The following RPH3A variants were observed in gnomAD, a reference collection of about 807,000 sequenced individuals.
RPH3A encodes the protein rabphilin 3A.
Under a neutral mutation model 102.2 loss-of-function variants are expected in RPH3A, and 48 were observed. The ratio of observed to expected loss-of-function variants is 0.47; its 90% confidence interval spans 0.37 to 0.60. RPH3A has a LOEUF of 0.60. Among genes scored for constraint, RPH3A ranks in the 20% least tolerant of loss-of-function variants. The pLI, the probability that RPH3A is intolerant of heterozygous loss-of-function variation, is 0.00. For synonymous variants in RPH3A, 310 were observed against 324.3 expected (o/e 0.96, Z 0.47); for missense variants, 781 against 910.1 (o/e 0.86, Z 1.83).
intron 1 of RPH3A, among the ~76,000 whole-genome samples, chr12:112,699,655 G>A (rs1396888721): frequency 2.6e-5 from 4 of 152,158 alleles, no homozygotes; most frequent in African/African-American, 9.7e-5. Context: ...GAACTTGTGG[G>A]GATGATAGAA....
intron 1 of RPH3A, among the ~76,000 whole-genome samples, chr12:112,671,969 C>A (rs1292886488): frequency 6.6e-6 from 1 of 151,032 alleles, no homozygotes; most frequent in Non-Finnish European, 1.5e-5. Flanking sequence ...TGGCTTAAGA[C>A]AACAACTATT....
chr12:112,670,222 G>A (rs923190682), intron 1 of RPH3A, among the ~76,000 whole-genome samples: 2 of 152,064 alleles, frequency 1.3e-5, no homozygotes, highest in Non-Finnish European at 2.9e-5. Flanking sequence ...TCGCCTTGTC[G>A]CCCAGGCTGG....
intron 19 of RPH3A, among the ~76,000 whole-genome samples, chr12:112,891,368 TTTCCAGATTCA>T (rs1312873235): frequency 6.6e-6 from 1 of 152,202 alleles, no homozygotes; most frequent in Admixed American, 6.5e-5. Context: ...CATCTGGCAT[TTTCCAGATTCA>T]TTCTGGAAAT....
At chr12:112,755,928 A>G (rs1260509202) in intron 1 of RPH3A, among the ~76,000 whole-genome samples, 5 of 152,218 alleles carry the variant, frequency 3.3e-5, no homozygotes, top group African/African-American at 1.2e-4. Flanking sequence ...TTTCTAAATC[A>G]GTAAATCTCA....
intron 2 of RPH3A, among the ~76,000 whole-genome samples, chr12:112,820,692 C>T (rs1439976337): frequency 6.6e-6 from 1 of 152,190 alleles, no homozygotes; most frequent in Non-Finnish European, 1.5e-5. Context: ...GGCCCACAGA[C>T]ATTATGTATC....
At chr12:112,580,777 G>A (rs923091857) in intron 1 of RPH3A, among the ~76,000 whole-genome samples, 15 of 152,136 alleles carry the variant, frequency 9.9e-5, no homozygotes, top group African/African-American at 3.6e-4. Context: ...GCACTTTAAT[G>A]TAGTTTAGTC....
intron 3 of RPH3A, 42 bp downstream of exon 3, chr12:112,828,431 G>A (rs749052410): frequency 6.1e-6 from 9 of 1,466,016 alleles, no homozygotes; most frequent in South Asian, 2.4e-5. Flanking sequence ...GTTTTGAGTC[G>A]ATGAGGTTTT....
At chr12:112,888,018 G>T (rs188674813) in intron 17 of RPH3A, 95 bp downstream of exon 17, 6 of 1,421,584 alleles carry the variant, frequency 4.2e-6, no homozygotes, top group Non-Finnish European at 5.8e-6. Context: ...GATCCACGGG[G>T]TATTGGGTAG....
chr12:112,681,085 G>A (rs1018669538), intron 1 of RPH3A, among the ~76,000 whole-genome samples: 11 of 152,158 alleles, frequency 7.2e-5, no homozygotes, highest in Non-Finnish European at 1.5e-4. Context: ...GGCCCACTGC[G>A]TCCCTAACTG....
intron 1 of RPH3A, among the ~76,000 whole-genome samples, chr12:112,733,024 A>C (rs968829775): frequency 1.3e-5 from 2 of 152,200 alleles, no homozygotes; most frequent in Non-Finnish European, 2.9e-5. Context: ...ATATGCATCA[A>C]GCTGCTCCTG....
rs1481538020 is a variant in RPH3A at position 112,792,230 on chromosome 12, T to C, written c.-52T>C. 1 of 152,184 alleles carries C rather than the reference T, an allele frequency of 6.6e-6. No homozygotes were observed. The highest frequency in any genetic ancestry group is 1.5e-5 in the Non-Finnish European group (1 of 68,042). 9.4% of individuals were successfully genotyped at this position (152,184 alleles called of 1,614,324 possible). On this transcript the variant is annotated 5_prime_UTR_variant, in exon 2 of 22. Coordinates refer to ENST00000389385, the MANE Select transcript of RPH3A (RefSeq NM_001143854.2). ...AGGGAGGAGTTGGCAAGAATTTGGC[T>C]CACCCATTCCCCCTGCAAGCCTCCA...
chr12:112,709,410 G>A (rs570794891), intron 1 of RPH3A, among the ~76,000 whole-genome samples: 2 of 151,988 alleles, frequency 1.3e-5, no homozygotes, highest in Non-Finnish European at 2.9e-5. Context: ...ATTACCCAGG[G>A]TTAGTGATGT....
chr12:112,761,538 A>G (rs11066402), intron 1 of RPH3A, among the ~76,000 whole-genome samples: 12,188 of 152,288 alleles, frequency 0.08, 1,283 homozygotes, highest in African/African-American at 0.24. Context: ...GGAAAAAGTG[A>G]TGCCGTCCAG....
intron 10 of RPH3A, among the ~76,000 whole-genome samples, chr12:112,873,230 C>T (rs1486211019): frequency 6.6e-6 from 1 of 152,176 alleles, no homozygotes; most frequent in East Asian, 1.9e-4. Flanking sequence ...TGATCCAATC[C>T]ACAGCTCTTT....
chr12:112,844,253 T>C (rs1396825654), intron 4 of RPH3A, among the ~76,000 whole-genome samples: 1 of 152,084 alleles, frequency 6.6e-6, no homozygotes, highest in Non-Finnish European at 1.5e-5. Flanking sequence ...TAAGACTCTG[T>C]CTCGGGTGAC....
chr12:112,826,130 G>A (rs549999491), intron 2 of RPH3A, among the ~76,000 whole-genome samples: 1 of 152,082 alleles, frequency 6.6e-6, no homozygotes, highest in African/African-American at 2.4e-5. Flanking sequence ...TAAACTGAGC[G>A]GTCAGGGAGG....
intron 1 of RPH3A, among the ~76,000 whole-genome samples, chr12:112,677,128 A>G (rs995966323): frequency 6.6e-6 from 1 of 152,170 alleles, no homozygotes; most frequent in Admixed American, 6.5e-5. Context: ...TGGAAAAAAA[A>G]TTACACCCAG....
At chr12:112,630,775 C>CT (rs2039798393) in intron 1 of RPH3A, among the ~76,000 whole-genome samples, 2 of 152,136 alleles carry the variant, frequency 1.3e-5, no homozygotes, top group Non-Finnish European at 2.9e-5. Flanking sequence ...TCCCTCTGGG[C>CT]TGGGCACTGT....
chr12:112,602,070 C>T (rs942204386), intron 1 of RPH3A, among the ~76,000 whole-genome samples: 17 of 152,210 alleles, frequency 1.1e-4, no homozygotes, highest in African/African-American at 3.9e-4. Context: ...GCGGGGCACA[C>T]AAGAGCCTTC....
Sources: allele counts gnomAD v4.1 joint callset (sites outside exome capture counted in the v4.1 genomes callset), GRCh38; gene constraint gnomAD v4.1.1; transcripts MANE v1.5; gene names NCBI Gene and HGNC (gene_info 2026-07-23, HGNC 2026-07-21).